The following NPR3 variants were observed in gnomAD, a reference collection of about 807,000 sequenced individuals.
NPR3 encodes the protein natriuretic peptide receptor 3.
A neutral mutation model predicts 54.5 loss-of-function variants in NPR3; 34 were observed. The ratio of observed to expected loss-of-function variants is 0.62; its 90% CI spans 0.47 to 0.83. The LOEUF (loss-of-function observed/expected upper bound fraction) is 0.83, where lower values mean the gene tolerates loss of function less well. NPR3 is among the 40% of genes least tolerant of loss of function. NPR3 has a pLI of 0.00. For missense variants in NPR3, 674 were observed against 720.8 expected, an observed-to-expected ratio of 0.94 and a Z score of 0.74; for synonymous variants, 289 against 297.1, an observed-to-expected ratio of 0.97 and a Z score of 0.28.
intron 3 of NPR3, among the ~76,000 whole-genome samples, chr5:32,759,805 T>G (rs1190071442): frequency 1.3e-5 from 2 of 152,210 alleles, no homozygotes; most frequent in African/African-American, 4.8e-5. Context: ...GGCCTGGTGG[T>G]GACAAAATCT....
chr5:32,760,746 C>T (rs1214561713), intron 3 of NPR3, among the ~76,000 whole-genome samples: 1 of 151,312 alleles, frequency 6.6e-6, no homozygotes. Flanking sequence ...TAAAAATCTG[C>T]CAACCCTAAA....
At chr5:32,712,678 C>T (rs1299770861) in intron 1 of NPR3, 133 bp downstream of exon 1, 2 of 810,032 alleles carry the variant, frequency 2.5e-6, no homozygotes, top group African/African-American at 3.4e-5. Flanking sequence ...GGCACTCGTT[C>T]AGGTATGCGC....
chr5:32,782,135 A>T (rs1204945511), intron 5 of NPR3, among the ~76,000 whole-genome samples: 1 of 152,174 alleles, frequency 6.6e-6, no homozygotes, highest in African/African-American at 2.4e-5. Flanking sequence ...GGAGCCAATT[A>T]AGAGAAACAG....
chr5:32,703,431 G>A (rs1737883506), intron 1 of NPR3, among the ~76,000 whole-genome samples: 1 of 151,682 alleles, frequency 6.6e-6, no homozygotes. Context: ...GTCTCTCCCA[G>A]TAGTCACCAT....
rs188291887 is a variant in NPR3, at chr5:32,717,707, T to A, written c.769+5162T>A. Among the ~76,000 whole-genome samples the A allele has an allele frequency of 9.2e-5, 14 of 152,304 alleles. No homozygotes were observed. In the East Asian group the frequency reaches 2.5e-3, roughly 27 times the overall value. On this transcript the variant is annotated intron_variant, in intron 1 of 7. Coordinates refer to ENST00000265074, the MANE Select transcript of NPR3 (RefSeq NM_001204375.2). ...GCCTACTTTCTGATGGGATTGTTTGTTTTTTTCTTGCAAATTTGTTTGAGT... is the reference window on the plus strand; with the variant it reads ...GCCTACTTTCTGATGGGATTGTTTGATTTTTTCTTGCAAATTTGTTTGAGT...
At chr5:32,761,404 A>C (rs186936090) in intron 3 of NPR3, among the ~76,000 whole-genome samples, 1 of 151,964 alleles carries the variant, frequency 6.6e-6, no homozygotes, top group African/African-American at 2.4e-5. Context: ...TCTGATTTTT[A>C]AAAAAAATAA....
chr5:32,746,157 G>A (rs539420554), intron 3 of NPR3, among the ~76,000 whole-genome samples: 4 of 152,302 alleles, frequency 2.6e-5, no homozygotes, highest in Middle Eastern at 3.4e-3. Flanking sequence ...CCAGAGAATC[G>A]AAATTAAACA....
At chr5:32,739,216 C>T (rs1485696512) in intron 3 of NPR3, among the ~76,000 whole-genome samples, 186 bp downstream of exon 3, 3 of 150,614 alleles carry the variant, frequency 2.0e-5, no homozygotes, top group African/African-American at 7.3e-5. Flanking sequence ...TGGTTTTCCT[C>T]CTTCCCTCCT....
upstream of NPR3, among the ~76,000 whole-genome samples, chr5:32,708,044 G>A (rs1035576379): frequency 3.4e-5 from 5 of 148,442 alleles, no homozygotes; most frequent in African/African-American, 1.2e-4. Context: ...CATGGTTTGT[G>A]GATATTAAGT....
chr5:32,713,002 G>C (rs3828591), intron 1 of NPR3: 83,882 of 198,770 alleles, frequency 0.42, 18,847 homozygotes, highest in African/African-American at 0.57. Context: ...GCCTCGCAGC[G>C]AGGCGTCGCC....
Position 32,786,297 on chromosome 5 carries a change from T to C in NPR3, c.1578T>C (p.His526=). 1 of 1,592,576 alleles carries C rather than the reference T, an allele frequency of 6.3e-7. No homozygotes were observed. The highest frequency in any genetic ancestry group is 8.6e-7 in the Non-Finnish European group (1 of 1,164,202). Reference sequence around the variant, plus strand: ...AAGAAGAAAGTAACCTTGGAAAACATCGGGAATTACGGGAAGATTCCATCA... The same window carrying C: ...AAGAAGAAAGTAACCTTGGAAAACACCGGGAATTACGGGAAGATTCCATCA... ...TQQEESNLGK[H]RELREDSIRS... is the part of the protein sequence containing the mutation. Residue 526 remains histidine (H), a synonymous_variant, in exon 8 of 8, where the codon CAT becomes CAC. Coordinates refer to ENST00000265074, the MANE Select transcript of NPR3 (RefSeq NM_001204375.2).
chr5:32,749,598 TTAGGTTG>T (rs1740473707), intron 3 of NPR3, among the ~76,000 whole-genome samples: 1 of 152,222 alleles, frequency 6.6e-6, no homozygotes. Flanking sequence ...GTTGCTTATC[TTAGGTTG>T]TTCAGTTTCA....
chr5:32,775,922 G>A (rs1490505683), intron 4 of NPR3, among the ~76,000 whole-genome samples: 10 of 152,158 alleles, frequency 6.6e-5, no homozygotes, highest in East Asian at 1.9e-4. Context: ...CTCATCTCAA[G>A]CAACTTCTGT....
intron 3 of NPR3, among the ~76,000 whole-genome samples, chr5:32,762,889 G>C (rs1484496595): frequency 6.6e-6 from 1 of 152,156 alleles, no homozygotes; most frequent in Non-Finnish European, 1.5e-5. Flanking sequence ...TGGTGTTTTT[G>C]TCATGAAGTC....
In NPR3 at chr5:32,790,864, A is replaced by T. The variant is rs1742874002; in HGVS notation, c.*4519A>T. 1 of 167,046 alleles carries T rather than the reference A, an allele frequency of 6.0e-6. No individual in the cohort carries two copies. Among genetic ancestry groups the T allele is most frequent in the African/African-American group, 2.4e-5 (1 of 41,438 alleles). 10.3% of individuals were successfully genotyped at this position (167,046 alleles called of 1,614,324 possible). ...AATAGCTCTGTGATATATCAGTGGG[A>T]GATGATTCATAGGGGAGAGATTTGA... On this transcript the variant is annotated 3_prime_UTR_variant, in exon 8 of 8. Coordinates refer to ENST00000265074, the MANE Select transcript of NPR3 (RefSeq NM_001204375.2).
chr5:32,724,730 C>T lies in NPR3; in HGVS notation c.802C>T (p.Arg268Trp), dbSNP rs779442645. 43 of 1,613,790 alleles carry T rather than the reference C, an allele frequency of 2.7e-5. No homozygotes were observed. Among genetic ancestry groups the T allele is most frequent in the African/African-American group, 4.0e-5 (3 of 74,908 alleles). The change falls in exon 2 of 8, where the codon CGG becomes TGG. Residue 268 changes from arginine (R) to tryptophan (W), a missense_variant. By Grantham distance (101) the Arg-to-Trp change is moderately radical. Transcript: ENST00000265074. ...VIMCASSDTIRSIMLVAHRHG... is the reference protein window; with the variant it reads ...VIMCASSDTIWSIMLVAHRHG... The stretch of plus-strand genomic sequence containing the variant: ...CATGTGTGCGAGCAGTGACACCATC[C>T]GGAGCATCATGCTGGTGGCGCACAG...
rs1247363887 is a variant in NPR3 at position 32,711,618 on chromosome 5, T to C, written c.-159T>C. 5 of 1,254,392 alleles carry C rather than the reference T, an allele frequency of 4.0e-6. No individual in the cohort carries two copies. The highest frequency in any genetic ancestry group is 5.0e-6 in the Non-Finnish European group (5 of 1,003,638). 77.7% of individuals were successfully genotyped at this position (1,254,392 alleles called of 1,614,324 possible). On this transcript the variant is annotated 5_prime_UTR_variant, in exon 1 of 8. Coordinates refer to ENST00000265074, the MANE Select transcript of NPR3 (RefSeq NM_001204375.2). Reference sequence around the variant, plus strand: ...ATTGCAGAGAAGGACGCTTCCTCTCTATCTTTTGGCGCATTAGTGAAGGGG... The same window carrying C: ...ATTGCAGAGAAGGACGCTTCCTCTCCATCTTTTGGCGCATTAGTGAAGGGG...
chr5:32,788,202 T>C lies in NPR3; in HGVS notation c.*1857T>C, dbSNP rs1360947158. 6.6e-6 allele frequency: 1 copy of C among 152,208 alleles called. No homozygotes were observed. The highest frequency in any genetic ancestry group is 1.5e-5 in the Non-Finnish European group (1 of 68,050). 9.4% of individuals were successfully genotyped at this position (152,208 alleles called of 1,614,324 possible). ...GAGAGGGCGTGATAAAAGAATTAAG[T>C]GTGATCAACTGAAACAACTATGTTG... On this transcript the variant is annotated 3_prime_UTR_variant, in exon 8 of 8. Coordinates refer to ENST00000265074, the MANE Select transcript of NPR3 (RefSeq NM_001204375.2).
chr5:32,786,751 G>A lies in NPR3; in HGVS notation c.*406G>A. 1.1e-5 allele frequency: 2 copies of A among 179,526 alleles called. No homozygotes were observed. Among genetic ancestry groups the A allele is most frequent in the Non-Finnish European group, 2.3e-5 (2 of 87,726 alleles). The allele number at this position is 179,526 out of a possible 1,614,324, so 11.1% of individuals were successfully genotyped here. On this transcript the variant is annotated 3_prime_UTR_variant, in exon 8 of 8. Coordinates refer to ENST00000265074, the MANE Select transcript of NPR3 (RefSeq NM_001204375.2). ...TCATTTTTACAAGTACAGCATTCTT[G>A]GAAAGAATTTAACACCCAAAAAGGG...
Sources: gnomAD v4.1 joint callset for allele counts (sites outside exome capture counted in the v4.1 genomes callset) on GRCh38, gnomAD v4.1.1 for gene constraint, MANE v1.5 for transcripts, NCBI Gene and HGNC (gene_info 2026-07-23, HGNC 2026-07-21) for gene names.